Variants in FUBP1 observed in about 807,000 individuals in gnomAD.
FUBP1 encodes far upstream element-binding protein 1.
FUBP1 carries 16 observed loss-of-function variants against 94.9 expected under a neutral mutation model. That is an observed-to-expected ratio of 0.17 (90% CI 0.11 to 0.26). FUBP1 has a LOEUF of 0.26. FUBP1 is among the 10% of genes least tolerant of loss of function. FUBP1 has a pLI of 1.00. For missense variants in FUBP1, 583 were observed against 808.6 expected (o/e 0.72, Z 3.38); for synonymous variants, 279 against 254.9 (o/e 1.09, Z -0.90).
intron 1 of FUBP1, among the ~76,000 whole-genome samples, chr1:77,974,133 G>GT (rs1658135692): frequency 6.9e-6 from 1 of 144,656 alleles, no homozygotes; most frequent in South Asian, 2.2e-4. Flanking sequence ...CTAATTTTTT[G>GT]GTTTTTTTTT....
intron 16 of FUBP1, 128 bp from the exon 17 acceptor site, chr1:77,956,828 A>T: frequency 1.9e-6 from 1 of 532,160 alleles, no homozygotes; most frequent in Admixed American, 3.1e-5. Flanking sequence ...AACATTAAAA[A>T]AAGTATATGA....
chr1:77,959,692 C>T (rs1655103681), intron 16 of FUBP1, among the ~76,000 whole-genome samples: 1 of 152,180 alleles, frequency 6.6e-6, no homozygotes, highest in East Asian at 1.9e-4. Flanking sequence ...CCACCCTGCC[C>T]GGCTAATTTA....
chr1:77,953,495 A>G (rs961815357), intron 18 of FUBP1, among the ~76,000 whole-genome samples: 1 of 151,980 alleles, frequency 6.6e-6, no homozygotes, highest in Non-Finnish European at 1.5e-5. Context: ...TCTCAAATAA[A>G]TAAATAAATA....
chr1:77,976,574 A>ACCT (rs1465067493), intron 1 of FUBP1, among the ~76,000 whole-genome samples: 4 of 152,134 alleles, frequency 2.6e-5, no homozygotes, highest in Middle Eastern at 3.4e-3. Context: ...ACTCACTGCA[A>ACCT]CCTCCACTTC....
chr1:77,951,627 T>A (rs1653487469), intron 18 of FUBP1, among the ~76,000 whole-genome samples: 1 of 152,178 alleles, frequency 6.6e-6, no homozygotes, highest in Non-Finnish European at 1.5e-5. Flanking sequence ...ATGGCTTAGT[T>A]ACTGTTTGAT....
chr1:77,959,228 G>A (rs562963637), intron 16 of FUBP1, among the ~76,000 whole-genome samples: 2 of 152,140 alleles, frequency 1.3e-5, no homozygotes, highest in South Asian at 2.1e-4. Flanking sequence ...TAGGTAGCAG[G>A]TGAGAAAAAA....
intron 11 of FUBP1, 41 bp from the exon 12 acceptor site, chr1:77,964,203 A>AT: frequency 6.5e-7 from 1 of 1,537,664 alleles, no homozygotes; most frequent in Non-Finnish European, 9.0e-7. Flanking sequence ...CAATAAATGT[A>AT]TGTCAAAACT....
At chr1:77,977,571 A>G (rs1478697768) in intron 1 of FUBP1, among the ~76,000 whole-genome samples, 1 of 152,224 alleles carries the variant, frequency 6.6e-6, no homozygotes, top group African/African-American at 2.4e-5. Flanking sequence ...AGTGTGCGAT[A>G]CCAATTAATC....
At chr1:77,949,655 T>TA (rs1267484424) in intron 18 of FUBP1, among the ~76,000 whole-genome samples, 1 of 152,054 alleles carries the variant, frequency 6.6e-6, no homozygotes, top group Admixed American at 6.5e-5. Context: ...TCATTATTAG[T>TA]AAAAAAACAG....
At position 77,948,121 on chromosome 1, in the gene FUBP1, T is replaced by C; in HGVS notation, c.*645A>G. On this transcript the variant is annotated 3_prime_UTR_variant, in exon 20 of 20. Coordinates refer to ENST00000370768, the MANE Select transcript of FUBP1 (RefSeq NM_003902.5). ...AAAGGAAATTTCACTGTTAATGCAATGGAAGTATGCCAAAAGATCATTGTA... is the reference window on the plus strand; with the variant it reads ...AAAGGAAATTTCACTGTTAATGCAACGGAAGTATGCCAAAAGATCATTGTA... 3.9e-6 allele frequency: 4 copies of C among 1,037,876 alleles called. No individual in the cohort carries two copies. Among genetic ancestry groups the C allele is most frequent in the Non-Finnish European group, 4.6e-6 (4 of 861,582 alleles). The allele number at this position is 1,037,876 out of a possible 1,614,324, so 64.3% of individuals were successfully genotyped here. A position where few individuals can be genotyped will look rare whatever the true frequency, so the allele number is the denominator to read the frequency against.
intron 17 of FUBP1, among the ~76,000 whole-genome samples, chr1:77,955,737 GGTGT>G (rs979605280): frequency 4.6e-5 from 7 of 151,758 alleles, no homozygotes; most frequent in African/African-American, 9.7e-5. Context: ...TGTGTTTTTT[GGTGT>G]GTGTATGTAG....
rs367750177 is a variant in FUBP1 at position 77,964,981 on chromosome 1, T to C, written c.637-13A>G. 1.1e-5 allele frequency: 18 copies of C among 1,601,876 alleles called. No individual in the cohort carries two copies. The highest frequency in any genetic ancestry group is 6.7e-5 in the African/African-American group (5 of 74,622). ...CTCCAGCCCGTTCCTGTTACAATCA[T>C]AGAAATAATATATATTAACAAAAGG... On this transcript the variant is annotated splice_polypyrimidine_tract_variant and intron_variant, in intron 8 of 19. Transcript: ENST00000370768.
chr1:77,978,786 CCT>C, intron 1 of FUBP1, 97 bp downstream of exon 1: 5 of 1,389,912 alleles, frequency 3.6e-6, no homozygotes, highest in Non-Finnish European at 5.1e-6. Context: ...CGGAAGAACA[CCT>C]CTTTCCTCTT....
chr1:77,965,416 A>G (rs1251619662), intron 7 of FUBP1, among the ~76,000 whole-genome samples, 185 bp from the exon 8 acceptor site: 5 of 152,214 alleles, frequency 3.3e-5, no homozygotes, highest in Admixed American at 3.3e-4. Context: ...TCAAAGATTG[A>G]GAGATTATGC....
chr1:77,947,580 G>A lies in FUBP1; in HGVS notation c.*1186C>T, dbSNP rs923624983. 1 of 1,307,070 alleles carries A rather than the reference G, an allele frequency of 7.7e-7. No individual in the cohort carries two copies. The allele number at this position is 1,307,070 out of a possible 1,614,324, so 81.0% of individuals were successfully genotyped here. The stretch of plus-strand genomic sequence containing the variant: ...TCAACAGACAATGGCAAGACAGACT[G>A]TATTTGCATGTAGTCTAATATATTA... On this transcript the variant is annotated 3_prime_UTR_variant, in exon 20 of 20. Transcript: ENST00000370768.
intron 16 of FUBP1, among the ~76,000 whole-genome samples, chr1:77,958,483 A>G (rs1654882742): frequency 6.6e-6 from 1 of 152,240 alleles, no homozygotes; most frequent in African/African-American, 2.4e-5. Flanking sequence ...TTCATATAAT[A>G]TTAAAACAGT....
chr1:77,974,701 A>G (rs1356980435), intron 1 of FUBP1, among the ~76,000 whole-genome samples: 1 of 152,252 alleles, frequency 6.6e-6, no homozygotes, highest in South Asian at 2.1e-4. Flanking sequence ...TTATAGATAC[A>G]TATGTATAGG....
At chr1:77,956,308 G>GATACAC (rs1654448175) in intron 17 of FUBP1, among the ~76,000 whole-genome samples, 1 of 152,112 alleles carries the variant, frequency 6.6e-6, no homozygotes, top group Non-Finnish European at 1.5e-5. Context: ...AATAAATACA[G>GATACAC]ATACACATGT....
At chr1:77,975,385 TG>T (rs1557480529) in intron 1 of FUBP1, among the ~76,000 whole-genome samples, 1 of 152,056 alleles carries the variant, frequency 6.6e-6, no homozygotes, top group Non-Finnish European at 1.5e-5. Context: ...CATGCTCAAA[TG>T]TTAGTTTTCA....
Sources: allele counts gnomAD v4.1 joint callset (sites outside exome capture counted in the v4.1 genomes callset), GRCh38; gene constraint gnomAD v4.1.1; transcripts MANE v1.5; gene names NCBI Gene and HGNC (gene_info 2026-07-23, HGNC 2026-07-21).